SOX5: variants seen among roughly 807,000 people sequenced by gnomAD.
SOX5 encodes SRY-box transcription factor 5, also known as transcription factor SOX-5.
A neutral mutation model predicts 92.0 loss-of-function variants in SOX5; 9 were observed. The ratio of observed to expected loss-of-function variants is 0.10; its 90% CI spans 0.06 to 0.17. SOX5 has a LOEUF of 0.17. Among genes scored for constraint, SOX5 ranks in the 10% least tolerant of loss-of-function variants. The pLI is 1.00. For synonymous variants in SOX5, 344 were observed against 336.3 expected (o/e 1.02, Z -0.25); for missense variants, 642 against 944.5 (o/e 0.68, Z 4.20).
At chr12:24,560,015 G>C (rs1954175415) in intron 1 of SOX5, among the ~76,000 whole-genome samples, 1 of 152,068 alleles carries the variant, frequency 6.6e-6, no homozygotes, top group Non-Finnish European at 1.5e-5. Context: ...AAGAATTGAA[G>C]TTTTTCCTGT....
intron 7 of SOX5, among the ~76,000 whole-genome samples, chr12:23,654,658 G>C (rs2082090938): frequency 6.6e-6 from 1 of 152,046 alleles, no homozygotes; most frequent in Non-Finnish European, 1.5e-5. Flanking sequence ...CCAAGAACAA[G>C]TGATTTGCTA....
At chr12:23,609,157 A>G (rs185286653) in intron 8 of SOX5, among the ~76,000 whole-genome samples, 74 of 152,302 alleles carry the variant, frequency 4.9e-4, no homozygotes, top group African/African-American at 1.7e-3. Context: ...CTGCAAGGGA[A>G]ATATAGAGAT....
intron 7 of SOX5, among the ~76,000 whole-genome samples, chr12:23,655,167 T>C (rs1229000683): frequency 1.3e-5 from 2 of 152,116 alleles, no homozygotes; most frequent in African/African-American, 4.8e-5. Context: ...TGCCCGTAAA[T>C]TGGAGAATGT....
chr12:24,414,203 G>GTAT (rs1314329423), intron 1 of SOX5, among the ~76,000 whole-genome samples: 1 of 151,944 alleles, frequency 6.6e-6, no homozygotes, highest in Non-Finnish European at 1.5e-5. Context: ...ATGTATCCCA[G>GTAT]TATTATTATT....
chr12:23,980,317 C>T (rs1348677270), intron 4 of SOX5, among the ~76,000 whole-genome samples: 2 of 152,042 alleles, frequency 1.3e-5, no homozygotes, highest in South Asian at 2.1e-4. Context: ...TTCTTCCTAA[C>T]TTTGAAGACA....
chr12:23,787,738 G>C (rs1328753938), intron 3 of SOX5, among the ~76,000 whole-genome samples: 1 of 151,872 alleles, frequency 6.6e-6, no homozygotes, highest in Non-Finnish European at 1.5e-5. Context: ...CAATCAAAGA[G>C]ACTTCAACTT....
At chr12:23,938,923 T>C (rs1220527992) in intron 1 of SOX5, among the ~76,000 whole-genome samples, 1 of 151,040 alleles carries the variant, frequency 6.6e-6, no homozygotes, top group Non-Finnish European at 1.5e-5. Flanking sequence ...CTGACTAGTA[T>C]GTTATTAAAC....
At chr12:23,816,329 C>A (rs2095993147) in intron 3 of SOX5, among the ~76,000 whole-genome samples, 1 of 151,800 alleles carries the variant, frequency 6.6e-6, no homozygotes. Flanking sequence ...CCTGCCTCAG[C>A]CTCTCGAGTA....
intron 1 of SOX5, among the ~76,000 whole-genome samples, chr12:23,911,134 A>T (rs981847371): frequency 1.3e-5 from 2 of 152,120 alleles, no homozygotes; most frequent in African/African-American, 4.8e-5. Flanking sequence ...AACAAAAAAA[A>T]ATTCCATTGC....
At chr12:24,011,612 T>C (rs1351167901) in intron 4 of SOX5, among the ~76,000 whole-genome samples, 1 of 152,192 alleles carries the variant, frequency 6.6e-6, no homozygotes, top group African/African-American at 2.4e-5. Flanking sequence ...TAAAAACCTC[T>C]TGTTGCTCAT....
At chr12:23,626,671 CTT>C (rs370910356) in intron 8 of SOX5, among the ~76,000 whole-genome samples, 3,122 of 116,500 alleles carry the variant, frequency 0.027, 108 homozygotes, top group African/African-American at 0.095. Context: ...TTCATTAGTG[CTT>C]TTTTTTTTTT....
At chr12:23,978,712 AATG>A (rs1402907543) in intron 4 of SOX5, among the ~76,000 whole-genome samples, 1 of 152,150 alleles carries the variant, frequency 6.6e-6, no homozygotes, top group Non-Finnish European at 1.5e-5. Context: ...TCTAGCTCTA[AATG>A]ATGTCATTCG....
At chr12:23,688,897 C>A (rs2088173072) in intron 6 of SOX5, among the ~76,000 whole-genome samples, 2 of 152,048 alleles carry the variant, frequency 1.3e-5, no homozygotes, top group South Asian at 4.1e-4. Context: ...GCTGAATGAA[C>A]AACCAAATAG....
intron 4 of SOX5, among the ~76,000 whole-genome samples, chr12:24,184,932 T>A (rs1042552319): frequency 1.3e-5 from 2 of 152,092 alleles, no homozygotes; most frequent in African/African-American, 4.8e-5. Flanking sequence ...TTAAAAAAAA[T>A]CTCTATAATG....
intron 2 of SOX5, among the ~76,000 whole-genome samples, chr12:23,858,703 C>G (rs1283250096): frequency 6.6e-6 from 1 of 151,944 alleles, no homozygotes; most frequent in Non-Finnish European, 1.5e-5. Context: ...GAGTATATAC[C>G]CAGAGGAATA....
chr12:23,755,797 T>A, intron 3 of SOX5, 73 bp from the exon 4 acceptor site: 1 of 1,010,870 alleles, frequency 9.9e-7, no homozygotes, highest in East Asian at 2.9e-5. Context: ...AAAGTCTATC[T>A]GCTAAAAATA....
intron 1 of SOX5, among the ~76,000 whole-genome samples, chr12:24,372,969 A>AAC (rs3031155): frequency 6.6e-6 from 1 of 151,092 alleles, no homozygotes; most frequent in Non-Finnish European, 1.5e-5. Flanking sequence ...AAAAAAAAAA[A>AAC]CTGCTGGGTG....
intron 6 of SOX5, among the ~76,000 whole-genome samples, chr12:23,674,861 G>C (rs953430437): frequency 1.3e-5 from 2 of 151,666 alleles, no homozygotes; most frequent in African/African-American, 4.8e-5. Flanking sequence ...TCTGAAAATT[G>C]AGCAGAAAAA....
At chr12:23,937,169 T>C (rs1038508897) in intron 1 of SOX5, among the ~76,000 whole-genome samples, 5 of 150,968 alleles carry the variant, frequency 3.3e-5, no homozygotes, top group Non-Finnish European at 7.4e-5. Context: ...ACAAAGTATA[T>C]CTCAGCTAAA....
Sources: gnomAD v4.1 joint callset for allele counts (sites outside exome capture counted in the v4.1 genomes callset) on GRCh38, gnomAD v4.1.1 for gene constraint, MANE v1.5 for transcripts, NCBI Gene and HGNC (gene_info 2026-07-23, HGNC 2026-07-21) for gene names.